AGBL4: variants seen among roughly 807,000 people sequenced by gnomAD.
AGBL4 encodes cytosolic carboxypeptidase 6.
AGBL4 carries 58 observed loss-of-function variants against 66.4 expected under a neutral mutation model. The observed-to-expected ratio is 0.87, with a 90% CI of 0.71 to 1.09. The LOEUF (loss-of-function observed/expected upper bound fraction) is 1.09. AGBL4 is among the 50% of genes least tolerant of loss of function. AGBL4 has a pLI of 0.00. For synonymous variants in AGBL4, 234 were observed against 222.9 expected (o/e 1.05, Z -0.44); for missense variants, 579 against 631.0 (o/e 0.92, Z 0.88).
chr1:48,982,926 T>A (rs1440631124), intron 5 of AGBL4, among the ~76,000 whole-genome samples: 5 of 152,182 alleles, frequency 3.3e-5, no homozygotes, highest in African/African-American at 1.2e-4. Context: ...TCATTGTGGT[T>A]TTGATTTGCA....
chr1:48,572,541 T>TTC (rs1644583343), intron 11 of AGBL4, among the ~76,000 whole-genome samples: 2 of 151,318 alleles, frequency 1.3e-5, no homozygotes, highest in Non-Finnish European at 2.9e-5. Flanking sequence ...TGTGTGTGAG[T>TTC]GTGTGTGAGT....
intron 3 of AGBL4, among the ~76,000 whole-genome samples, chr1:49,471,003 A>C (rs987352679): frequency 6.6e-6 from 1 of 152,042 alleles, no homozygotes; most frequent in Admixed American, 6.6e-5. Flanking sequence ...GCCTTAGTTA[A>C]GATTTTAGCT....
intron 3 of AGBL4, among the ~76,000 whole-genome samples, chr1:49,528,002 T>A (rs1650802467): frequency 6.6e-6 from 1 of 152,092 alleles, no homozygotes; most frequent in Admixed American, 6.5e-5. Flanking sequence ...AATTAGATTT[T>A]TTTTCAACAG....
chr1:48,862,986 A>G (rs1647633821), intron 6 of AGBL4, among the ~76,000 whole-genome samples: 1 of 152,226 alleles, frequency 6.6e-6, no homozygotes, highest in Non-Finnish European at 1.5e-5. Flanking sequence ...AAGGTAATAT[A>G]GGAAAGGCTT....
chr1:49,893,297 C>T (rs886725679), intron 1 of AGBL4, among the ~76,000 whole-genome samples: 1 of 152,172 alleles, frequency 6.6e-6, no homozygotes, highest in South Asian at 2.1e-4. Flanking sequence ...AAGGCTCCAC[C>T]GATTGTTCTC....
chr1:48,753,251 T>C (rs1251384195), intron 6 of AGBL4, among the ~76,000 whole-genome samples: 1 of 152,234 alleles, frequency 6.6e-6, no homozygotes, highest in South Asian at 2.1e-4. Context: ...CCTGTCTGTA[T>C]GTAGTGGGCT....
At chr1:48,713,593 C>T (rs989690125) in intron 6 of AGBL4, among the ~76,000 whole-genome samples, 11 of 152,234 alleles carry the variant, frequency 7.2e-5, no homozygotes, top group Admixed American at 3.9e-4. Context: ...CCTCTGCGTA[C>T]GGGGCACTCA....
At chr1:49,097,364 A>G (rs1185213497) in intron 4 of AGBL4, among the ~76,000 whole-genome samples, 1 of 152,170 alleles carries the variant, frequency 6.6e-6, no homozygotes, top group Non-Finnish European at 1.5e-5. Context: ...TAATGGTGAC[A>G]TTGTTTCTCA....
chr1:49,076,462 G>A (rs889372422), intron 4 of AGBL4, among the ~76,000 whole-genome samples: 15 of 152,170 alleles, frequency 9.9e-5, no homozygotes, highest in African/African-American at 3.6e-4. Context: ...TCACTATTGA[G>A]TGCATTTGAC....
At chr1:49,973,703 TATC>T (rs1239531380) in intron 1 of AGBL4, among the ~76,000 whole-genome samples, 2 of 148,736 alleles carry the variant, frequency 1.3e-5, no homozygotes, top group East Asian at 3.9e-4. Context: ...TATTGTTATA[TATC>T]ATATTATATA....
intron 2 of AGBL4, among the ~76,000 whole-genome samples, chr1:49,823,542 G>A (rs536507273): frequency 6.6e-6 from 1 of 152,256 alleles, no homozygotes; most frequent in East Asian, 1.9e-4. Context: ...GGCACAGCAG[G>A]TTTGAAAAAT....
Position 48,591,086 on chromosome 1 carries a change from A to ACC in AGBL4, c.952-103_952-102dup, listed in dbSNP as rs1644910461. ...ACACACACACCCCCCACACACACCC[A>ACC]CCCACCCCCCCCCACACACACACAC... On this transcript the variant is annotated intron_variant, in intron 9 of 13. Coordinates refer to ENST00000371839, the MANE Select transcript of AGBL4 (RefSeq NM_032785.4). 1.2e-3 allele frequency: 769 copies of ACC among 655,236 alleles called. 2 individuals carry two copies. The highest frequency in any genetic ancestry group is 4.4e-3 in the African/African-American group (123 of 27,652). The allele number at this position is 655,236 out of a possible 1,614,324, so 40.6% of individuals were successfully genotyped here.
At chr1:49,581,741 T>C (rs865878340) in intron 3 of AGBL4, among the ~76,000 whole-genome samples, 1 of 152,152 alleles carries the variant, frequency 6.6e-6, no homozygotes, top group South Asian at 2.1e-4. Context: ...GAGCTATTCA[T>C]GTTTGTCCTT....
intron 3 of AGBL4, among the ~76,000 whole-genome samples, chr1:49,298,216 A>T (rs959997406): frequency 6.6e-6 from 1 of 152,222 alleles, no homozygotes; most frequent in African/African-American, 2.4e-5. Flanking sequence ...ATTTCTGTAG[A>T]GAATGGCAGC....
intron 3 of AGBL4, among the ~76,000 whole-genome samples, chr1:49,327,793 A>G (rs1461811249): frequency 6.6e-6 from 1 of 152,228 alleles, no homozygotes; most frequent in Non-Finnish European, 1.5e-5. Flanking sequence ...GAAAACCATC[A>G]TTCAAACCAT....
chr1:48,719,457 C>G (rs1647108834), intron 6 of AGBL4, among the ~76,000 whole-genome samples: 1 of 152,216 alleles, frequency 6.6e-6, no homozygotes, highest in Non-Finnish European at 1.5e-5. Flanking sequence ...CCCTCTCCCT[C>G]CAAACCATTC....
intron 1 of AGBL4, among the ~76,000 whole-genome samples, chr1:49,890,105 G>A (rs1384147064): frequency 5.3e-5 from 8 of 152,122 alleles, no homozygotes; most frequent in African/African-American, 1.9e-4. Flanking sequence ...GAGACATTGG[G>A]CTAAGCATTT....
chr1:48,703,279 C>T (rs949256680), intron 6 of AGBL4, among the ~76,000 whole-genome samples: 2 of 152,000 alleles, frequency 1.3e-5, no homozygotes, highest in African/African-American at 2.4e-5. Context: ...TAAGACAATA[C>T]GGCAAGTCGG....
intron 3 of AGBL4, among the ~76,000 whole-genome samples, chr1:49,661,778 T>A (rs926456232): frequency 6.6e-6 from 1 of 152,122 alleles, no homozygotes; most frequent in East Asian, 1.9e-4. Context: ...TTTGGATATT[T>A]TCCAAAAAGT....
Sources: allele counts gnomAD v4.1 joint callset (sites outside exome capture counted in the v4.1 genomes callset), GRCh38; gene constraint gnomAD v4.1.1; transcripts MANE v1.5; gene names NCBI Gene and HGNC (gene_info 2026-07-23, HGNC 2026-07-21).